The following UTS2B variants were observed in gnomAD, a reference collection of about 807,000 sequenced individuals.
The protein encoded by UTS2B is urotensin 2B.
In UTS2B, 21 loss-of-function variants were observed where a neutral mutation model predicts 19.2. The ratio of observed to expected loss-of-function variants is 1.09; its 90% CI spans 0.78 to 1.58. The LOEUF (loss-of-function observed/expected upper bound fraction) is 1.58, where lower values mean the gene tolerates loss of function less well. Among genes scored for constraint, UTS2B ranks in the 40% most tolerant of loss-of-function variants. UTS2B has a pLI of 0.00. For missense variants in UTS2B, 138 were observed against 130.3 expected (o/e 1.06, Z -0.29); for synonymous variants, 57 against 50.2 (o/e 1.14, Z -0.58).
intron 3 of UTS2B, among the ~76,000 whole-genome samples, chr3:191,313,556 T>A (rs906615118): frequency 6.6e-6 from 1 of 152,216 alleles, no homozygotes; most frequent in Non-Finnish European, 1.5e-5. Flanking sequence ...TGCTTTGATG[T>A]ACTCACACAC....
At chr3:191,295,615 G>A (rs1716837984) in intron 4 of UTS2B, among the ~76,000 whole-genome samples, 1 of 151,860 alleles carries the variant, frequency 6.6e-6, no homozygotes. Context: ...CCACACCTGT[G>A]CATCCAAAGA....
chr3:191,324,479 AG>A (rs2108616691), intron 2 of UTS2B, among the ~76,000 whole-genome samples: 1 of 152,256 alleles, frequency 6.6e-6, no homozygotes, highest in African/African-American at 2.4e-5. Context: ...TGAATTATGG[AG>A]GCGGATCTTT....
chr3:191,270,264 A>G (rs907790539), intron 8 of UTS2B, among the ~76,000 whole-genome samples: 1 of 152,188 alleles, frequency 6.6e-6, no homozygotes, highest in Non-Finnish European at 1.5e-5. Context: ...TGGCACAACC[A>G]TAGCTCACTG....
chr3:191,336,011 T>C, the UTS2B span, among the ~76,000 whole-genome samples: 5 of 152,056 alleles, frequency 3.3e-5, no homozygotes, highest in African/African-American at 9.7e-5. Flanking sequence ...TAAGATCATA[T>C]AGTAAGTAGT....
rs3214008 is a variant in UTS2B at position 191,278,058 on chromosome 3, T to C, written c.202+14A>G. On this transcript the variant is annotated intron_variant, in intron 6 of 8. Transcript: ENST00000340524. ...TTTTTTAATAAATAGAGCTTGACTTTATGTTTAACTCACCAGTGTTGAAAG... is the reference window on the plus strand; with the variant it reads ...TTTTTTAATAAATAGAGCTTGACTTCATGTTTAACTCACCAGTGTTGAAAG... 802,446 of 1,377,042 alleles carry C rather than the reference T, an allele frequency of 0.58. 239,270 individuals carry two copies. The highest frequency in any genetic ancestry group is 0.61 in the Non-Finnish European group (615,743 of 1,015,958). 85.3% of individuals were successfully genotyped at this position (1,377,042 alleles called of 1,614,324 possible). A position where few individuals can be genotyped will look rare whatever the true frequency, so the allele number is the denominator to read the frequency against.
intron 3 of UTS2B, among the ~76,000 whole-genome samples, chr3:191,311,300 T>C (rs895228089): frequency 3.3e-5 from 5 of 152,256 alleles, no homozygotes; most frequent in African/African-American, 1.2e-4. Flanking sequence ...AGAAAAATTA[T>C]TCGATATACT....
rs11717864 is a variant in UTS2B at position 191,268,088 on chromosome 3, A to G, written c.*328T>C. 8.2e-5 allele frequency: 15 copies of G among 183,990 alleles called. No homozygotes were observed. Among genetic ancestry groups the G allele is most frequent in the Non-Finnish European group, 1.5e-4 (13 of 88,472 alleles). 11.4% of individuals were successfully genotyped at this position (183,990 alleles called of 1,614,324 possible). A position where few individuals can be genotyped will look rare whatever the true frequency, so the allele number is the denominator to read the frequency against. ...AGGCGCCTTCCATGCATCCGTTTAT[A>G]GGCTCTCCACGAGGGGCGCATTCCA... On this transcript the variant is annotated 3_prime_UTR_variant, in exon 9 of 9. Coordinates refer to ENST00000340524, the MANE Select transcript of UTS2B (RefSeq NM_198152.5).
At chr3:191,339,025 G>C in the UTS2B span, among the ~76,000 whole-genome samples, 1 of 152,084 alleles carries the variant, frequency 6.6e-6, no homozygotes, top group African/African-American at 2.4e-5. Context: ...AGATAAAGGG[G>C]GGAAGGCTCT....
rs1716001871 is a variant in UTS2B, at chr3:191,268,458, A to G, written c.335-17T>C. 1 of 1,532,800 alleles carries G rather than the reference A, an allele frequency of 6.5e-7. No individual in the cohort carries two copies. 94.9% of individuals were successfully genotyped at this position (1,532,800 alleles called of 1,614,324 possible). A position where few individuals can be genotyped will look rare whatever the true frequency, so the allele number is the denominator to read the frequency against. On this transcript the variant is annotated splice_polypyrimidine_tract_variant and intron_variant, in intron 8 of 8. Transcript: ENST00000340524. Reference sequence around the variant, plus strand: ...AAAAGCAAGCTAAAGAAGAAAACAAAATACATTTTTTATTAGAAGTATATT... The same window carrying G: ...AAAAGCAAGCTAAAGAAGAAAACAAGATACATTTTTTATTAGAAGTATATT...
At chr3:191,293,194 G>C (rs938056414) in intron 4 of UTS2B, among the ~76,000 whole-genome samples, 1 of 118,852 alleles carries the variant, frequency 8.4e-6, no homozygotes, top group African/African-American at 3.8e-5. Flanking sequence ...ATATTTATAA[G>C]AGATGCTCTG....
the UTS2B span, among the ~76,000 whole-genome samples, chr3:191,338,293 A>G: frequency 1.4e-4 from 22 of 152,184 alleles, no homozygotes; most frequent in Admixed American, 1.3e-3. Context: ...TTTTTCTTTT[A>G]TATTATGAAG....
At chr3:191,327,536 T>C (rs937446729) in intron 2 of UTS2B, among the ~76,000 whole-genome samples, 1 of 152,128 alleles carries the variant, frequency 6.6e-6, no homozygotes, top group East Asian at 1.9e-4. Flanking sequence ...GCTGAGGCCA[T>C]GGAAAAGAGG....
At chr3:191,334,152 A>G (rs1718070580), upstream of UTS2B, among the ~76,000 whole-genome samples, 1 of 152,066 alleles carries the variant, frequency 6.6e-6, no homozygotes, top group Admixed American at 6.5e-5. Context: ...TGTGTGCCAC[A>G]TGTTGTGTTG....
chr3:191,308,892 A>T (rs908825466), intron 3 of UTS2B, among the ~76,000 whole-genome samples: 10 of 152,064 alleles, frequency 6.6e-5, no homozygotes, highest in African/African-American at 1.9e-4. Flanking sequence ...GACCAGTATG[A>T]TATTCAACAG....
At chr3:191,282,797 T>G (rs964156136) in intron 4 of UTS2B, among the ~76,000 whole-genome samples, 1 of 152,318 alleles carries the variant, frequency 6.6e-6, no homozygotes, top group African/African-American at 2.4e-5. Context: ...GGGATCACAT[T>G]ACTGTCTCAC....
At chr3:191,313,573 G>A (rs1717361543) in intron 3 of UTS2B, among the ~76,000 whole-genome samples, 1 of 152,168 alleles carries the variant, frequency 6.6e-6, no homozygotes, top group Non-Finnish European at 1.5e-5. Flanking sequence ...ACACCAGACT[G>A]TCAAAGCTAG....
At chr3:191,323,433 T>G (rs1437698586) in intron 2 of UTS2B, among the ~76,000 whole-genome samples, 5 of 152,108 alleles carry the variant, frequency 3.3e-5, no homozygotes, top group Non-Finnish European at 7.4e-5. Context: ...CCTCCCAAAG[T>G]GCTGGGATTA....
intron 2 of UTS2B, among the ~76,000 whole-genome samples, chr3:191,319,466 A>T (rs1717552232): frequency 6.6e-6 from 1 of 152,180 alleles, no homozygotes; most frequent in African/African-American, 2.4e-5. Context: ...AAGCAGGAGA[A>T]GATATCTGTT....
the UTS2B span, among the ~76,000 whole-genome samples, chr3:191,335,896 A>G: frequency 6.6e-6 from 1 of 152,086 alleles, no homozygotes; most frequent in Non-Finnish European, 1.5e-5. Context: ...AAGATACAGA[A>G]CAGTTCCTAA....
Sources: gnomAD v4.1 joint callset for allele counts (sites outside exome capture counted in the v4.1 genomes callset) on GRCh38, gnomAD v4.1.1 for gene constraint, MANE v1.5 for transcripts, NCBI Gene and HGNC (gene_info 2026-07-23, HGNC 2026-07-21) for gene names.